PLCG2: variants seen among roughly 807,000 people sequenced by gnomAD.
PLCG2 encodes the protein phospholipase C gamma 2.
Under a neutral mutation model 175.6 loss-of-function variants are expected in PLCG2, and 69 were observed. The observed-to-expected ratio is 0.39, with a 90% CI of 0.32 to 0.48. PLCG2 has a LOEUF of 0.48. PLCG2 is among the 20% of genes least tolerant of loss of function. The pLI, the probability that PLCG2 is intolerant of heterozygous loss-of-function variation, is 0.91. For synonymous variants in PLCG2, 827 were observed against 624.0 expected (o/e 1.33, Z -4.85); for missense variants, 1,798 against 1,650.9 (o/e 1.09, Z -1.54).
At chr16:81,889,578 A>C (rs1282757091) in intron 10 of PLCG2, among the ~76,000 whole-genome samples, 1 of 151,656 alleles carries the variant, frequency 6.6e-6, no homozygotes, top group East Asian at 1.9e-4. Context: ...TGAATGGGAG[A>C]CTGGAGTTTT....
chr16:81,797,646 C>A (rs13380701), intron 2 of PLCG2, among the ~76,000 whole-genome samples: 1,648 of 152,322 alleles, frequency 0.011, 30 homozygotes, highest in African/African-American at 0.038. Flanking sequence ...CCTGGCTGCC[C>A]CTTTCAGCCT....
At chr16:81,940,458 G>T (rs999149983) in intron 30 of PLCG2, among the ~76,000 whole-genome samples, 3 of 124,268 alleles carry the variant, frequency 2.4e-5, no homozygotes, top group South Asian at 2.6e-4. Flanking sequence ...TTGGCATCTT[G>T]GGGGGGGAGT....
intron 7 of PLCG2, among the ~76,000 whole-genome samples, chr16:81,878,074 C>T (rs534130322): frequency 5.4e-5 from 8 of 147,764 alleles, no homozygotes; most frequent in South Asian, 4.3e-4. Context: ...CTCTGCCTCC[C>T]GGGTTCACGC....
At chr16:81,844,651 G>C (rs1183957226) in intron 2 of PLCG2, among the ~76,000 whole-genome samples, 1 of 152,214 alleles carries the variant, frequency 6.6e-6, no homozygotes, top group Non-Finnish European at 1.5e-5. Flanking sequence ...TTGGCACCTA[G>C]GTGCTCGTGA....
chr16:81,869,547 A>G (rs908003585), intron 6 of PLCG2, among the ~76,000 whole-genome samples: 3 of 152,110 alleles, frequency 2.0e-5, no homozygotes, highest in Non-Finnish European at 4.4e-5. Context: ...CTACCCTCAG[A>G]CCTGTTTTCC....
chr16:81,854,662 A>C, intron 3 of PLCG2, 75 bp downstream of exon 3: 1 of 1,345,046 alleles, frequency 7.4e-7, no homozygotes, highest in Non-Finnish European at 1.1e-6. Flanking sequence ...TAATAGCAGA[A>C]TGCTCACCCC....
At chr16:81,949,186 G>A (rs1026199737) in intron 31 of PLCG2, among the ~76,000 whole-genome samples, 2 of 152,194 alleles carry the variant, frequency 1.3e-5, no homozygotes, top group African/African-American at 4.8e-5. Flanking sequence ...ATGAAAGCAT[G>A]TCCCAAAGGA....
chr16:81,866,004 C>G (rs1907213831), intron 5 of PLCG2, among the ~76,000 whole-genome samples: 1 of 137,254 alleles, frequency 7.3e-6, no homozygotes, highest in Non-Finnish European at 1.6e-5. Flanking sequence ...ACGCTGGCCT[C>G]TCCCTTTCTC....
chr16:81,778,065 C>T (rs1269802849), upstream of PLCG2, among the ~76,000 whole-genome samples: 1 of 32,288 alleles, frequency 3.1e-5, no homozygotes, highest in Admixed American at 2.4e-4. Context: ...CAAAAAAAAC[C>T]AAAAACACAC....
intron 5 of PLCG2, among the ~76,000 whole-genome samples, chr16:81,863,329 C>T (rs1251014852): frequency 6.6e-6 from 1 of 152,246 alleles, no homozygotes; most frequent in Non-Finnish European, 1.5e-5. Flanking sequence ...GCTTATTTCA[C>T]TTAGTGTAAT....
At chr16:81,872,881 A>G (rs1907586153) in intron 7 of PLCG2, among the ~76,000 whole-genome samples, 1 of 152,204 alleles carries the variant, frequency 6.6e-6, no homozygotes. Flanking sequence ...TTCCTAGAAG[A>G]CAGTCATTAA....
intron 26 of PLCG2, 110 bp downstream of exon 26, chr16:81,934,641 C>A (rs1328803045): frequency 1.4e-6 from 1 of 721,494 alleles, no homozygotes; most frequent in Non-Finnish European, 2.4e-6. Flanking sequence ...TTCTTAACTA[C>A]TCCCAGTAGA....
intron 5 of PLCG2, among the ~76,000 whole-genome samples, chr16:81,864,864 G>A (rs1907152232): frequency 6.6e-6 from 1 of 152,142 alleles, no homozygotes; most frequent in South Asian, 2.1e-4. Flanking sequence ...ATTGTTCAGT[G>A]CTGTCTGCCA....
chr16:81,822,795 G>C (rs1261288152), intron 2 of PLCG2, among the ~76,000 whole-genome samples: 1 of 142,982 alleles, frequency 7.0e-6, no homozygotes, highest in African/African-American at 2.6e-5. Flanking sequence ...AAAGGCAGGA[G>C]ATCAGAGTGA....
At chr16:81,829,935 C>T (rs980634667) in intron 2 of PLCG2, among the ~76,000 whole-genome samples, 5 of 151,934 alleles carry the variant, frequency 3.3e-5, no homozygotes, top group South Asian at 2.1e-4. Context: ...TTCTACCTCT[C>T]GGTGGCATCC....
At chr16:81,802,401 C>T (rs188147216) in intron 2 of PLCG2, among the ~76,000 whole-genome samples, 9 of 152,012 alleles carry the variant, frequency 5.9e-5, no homozygotes, top group Middle Eastern at 3.4e-3. Context: ...CGTGAGCCAC[C>T]GCGCCCGGCC....
At chr16:81,940,232 G>A (rs188192798) in intron 30 of PLCG2, among the ~76,000 whole-genome samples, 173 bp downstream of exon 30, 173 of 152,296 alleles carry the variant, frequency 1.1e-3, no homozygotes, top group Non-Finnish European at 1.9e-3. Flanking sequence ...CACACAGGTG[G>A]GAGGAAGTGG....
chr16:81,830,044 G>T (rs1324297585), intron 2 of PLCG2, among the ~76,000 whole-genome samples: 1 of 152,096 alleles, frequency 6.6e-6, no homozygotes, highest in East Asian at 1.9e-4. Flanking sequence ...TAGTGGCCGG[G>T]TGCAGTGGCT....
intron 5 of PLCG2, among the ~76,000 whole-genome samples, chr16:81,865,814 A>G (rs1387532910): frequency 3.8e-5 from 5 of 133,280 alleles, no homozygotes; most frequent in East Asian, 2.3e-4. Flanking sequence ...GGGCACCAGC[A>G]TGAGAGGACG....
Sources: gnomAD v4.1 joint callset for allele counts (sites outside exome capture counted in the v4.1 genomes callset) on GRCh38, gnomAD v4.1.1 for gene constraint, MANE v1.5 for transcripts, NCBI Gene and HGNC (gene_info 2026-07-23, HGNC 2026-07-21) for gene names.